NTSR2: variants seen among roughly 807,000 people sequenced by gnomAD.
The protein encoded by NTSR2 is neurotensin receptor 2, also known as neurotensin receptor type 2.
Under a neutral mutation model 24.1 loss-of-function variants are expected in NTSR2, and 22 were observed. The ratio of observed to expected loss-of-function variants is 0.91; its 90% CI spans 0.65 to 1.30. The LOEUF is 1.30. Ranked by LOEUF, NTSR2 falls within the 50% of genes most tolerant of loss-of-function variation. The probability of loss-of-function intolerance (pLI) is 0.00; values close to 1 mark genes in which losing one functional copy is unlikely to be tolerated. For synonymous variants in NTSR2, 291 were observed against 267.0 expected (o/e 1.09, Z -0.88); for missense variants, 570 against 570.4 (o/e 1.00, Z 0.01).
rs377417892 is a variant in NTSR2, at chr2:11,662,142, C to T, written c.723G>A (p.Pro241=). ...SHLLALCSQV[P]STSTPGSSTP... Reference sequence around the variant, plus strand: ...TGGAGCTGCCCGGGGTAGAAGTGGACGGCACTTGGGAGCAGAGGGCCAGCA... The same window carrying T: ...TGGAGCTGCCCGGGGTAGAAGTGGATGGCACTTGGGAGCAGAGGGCCAGCA... Residue 241 remains proline (P), a synonymous_variant, in exon 2 of 4, where the codon CCG becomes CCA. Transcript: ENST00000306928. 123 of 1,608,060 alleles carry T rather than the reference C, an allele frequency of 7.6e-5. No homozygotes were observed. The highest frequency in any genetic ancestry group is 1.1e-4 in the African/African-American group (8 of 74,760).
intron 1 of NTSR2, 47 bp downstream of exon 1, chr2:11,669,459 C>CGGGGGGGGGGGGGGGGCG: frequency 1.5e-5 from 5 of 337,894 alleles, no homozygotes; most frequent in South Asian, 1.6e-4. Context: ...CTCCCAGCAC[C>CGGGGGGGGGGGGGGGGCG]GCCCCCCCAC....
At chr2:11,669,460 G>GGGGGGGGGGGGGGGGGGGGCCCCCCCCC in intron 1 of NTSR2, 46 bp downstream of exon 1, 2 of 254,726 alleles carry the variant, frequency 7.9e-6, no homozygotes, top group Non-Finnish European at 6.9e-6. Context: ...TCCCAGCACC[G>GGGGGGGGGGGGGGGGGGGGCCCCCCCCC]CCCCCCCACC....
chr2:11,664,341 C>T (rs1026540243), intron 1 of NTSR2, among the ~76,000 whole-genome samples: 1 of 152,152 alleles, frequency 6.6e-6, no homozygotes, highest in African/African-American at 2.4e-5. Context: ...TGGTCCTGAA[C>T]TCCTGAGCTC....
chr2:11,669,459 C>CGGGGGGGGGGGGGGGGGGGCGGG, intron 1 of NTSR2, 47 bp downstream of exon 1: 1 of 337,896 alleles, frequency 3.0e-6, no homozygotes, highest in Non-Finnish European at 5.3e-6. Flanking sequence ...CTCCCAGCAC[C>CGGGGGGGGGGGGGGGGGGGCGGG]GCCCCCCCAC....
intron 1 of NTSR2, chr2:11,665,775 T>A (rs138392333): frequency 6.6e-6 from 1 of 152,352 alleles, no homozygotes; most frequent in East Asian, 1.9e-4. Context: ...CCTACTTCCA[T>A]GTCAGCATGA....
chr2:11,669,021 C>A (rs375647018), intron 1 of NTSR2, among the ~76,000 whole-genome samples: 20 of 152,168 alleles, frequency 1.3e-4, no homozygotes, highest in African/African-American at 4.3e-4. Context: ...GGAGGCAAGG[C>A]TGCCAGGGAG....
At position 11,666,484 on chromosome 2, in the gene NTSR2, A is replaced by T. The variant is rs527890666; in HGVS notation, c.624+3022T>A. Among the ~76,000 whole-genome samples the T allele has an allele frequency of 1.8e-4, 27 of 152,186 alleles. 1 individual carries two copies. In the South Asian group the frequency reaches 5.2e-3, roughly 29 times the overall value. On this transcript the variant is annotated intron_variant, in intron 1 of 3. Transcript: ENST00000306928. ...GGGAGGCTGAGACGGGTGGATCACG[A>T]GGTCAGGAGATCAAGACTATCCTGG...
rs1273279104 is a variant in NTSR2 at position 11,661,997 on chromosome 2, G to C, written c.868C>G (p.Arg290Gly). The C allele has an allele frequency of 8.7e-6, 14 of 1,609,250 alleles. No individual in the cohort carries two copies. Among genetic ancestry groups the C allele is most frequent in the Non-Finnish European group, 1.1e-5 (13 of 1,177,756 alleles). ...ACCTGGACGCTGCGCTGGAGGCTGCGGATCCGGCGCACGTCTTTATGTCTC... is the reference window on the plus strand; with the variant it reads ...ACCTGGACGCTGCGCTGGAGGCTGCCGATCCGGCGCACGTCTTTATGTCTC... ...LVRHKDVRRI[R>G]SLQRSVQVLR... Residue 290 changes from arginine to glycine, a missense_variant, in exon 2 of 4, where the codon CGC becomes GGC. Coordinates refer to ENST00000306928, the MANE Select transcript of NTSR2 (RefSeq NM_012344.4).
At chr2:11,660,210 G>T in intron 2 of NTSR2, 77 bp from the exon 3 acceptor site, 1 of 1,137,398 alleles carries the variant, frequency 8.8e-7, no homozygotes, top group Non-Finnish European at 1.3e-6. Flanking sequence ...GCAAAGGGAG[G>T]CTGATGCCCG....
chr2:11,661,520 A>G (rs1206018308), intron 2 of NTSR2, among the ~76,000 whole-genome samples: 2 of 152,198 alleles, frequency 1.3e-5, no homozygotes, highest in Non-Finnish European at 2.9e-5. Flanking sequence ...TTTCTCTTAC[A>G]AGGCCAAATT....
At chr2:11,662,264 A>C in intron 1 of NTSR2, 24 bp from the exon 2 acceptor site, 1 of 1,474,298 alleles carries the variant, frequency 6.8e-7, no homozygotes, top group African/African-American at 1.4e-5. Flanking sequence ...GCCAAGGGCT[A>C]TGGGGCAGCG....
intron 1 of NTSR2, among the ~76,000 whole-genome samples, chr2:11,668,992 G>A (rs1358596898): frequency 6.6e-6 from 1 of 152,180 alleles, no homozygotes; most frequent in Non-Finnish European, 1.5e-5. Flanking sequence ...AAGAGGTGTG[G>A]GGGGACAAGT....
At chr2:11,666,739 C>G (rs1429488449) in intron 1 of NTSR2, among the ~76,000 whole-genome samples, 1 of 151,888 alleles carries the variant, frequency 6.6e-6, no homozygotes, top group Non-Finnish European at 1.5e-5. Context: ...GCAAATGGAG[C>G]TGAGTTATTA....
intron 3 of NTSR2, among the ~76,000 whole-genome samples, chr2:11,659,461 G>A (rs975123452): frequency 6.6e-6 from 1 of 152,270 alleles, no homozygotes; most frequent in Non-Finnish European, 1.5e-5. Flanking sequence ...TGTAAGGGGT[G>A]CTGGTGCCTC....
rs781174478 is a variant in NTSR2, at chr2:11,669,733, G to C, written c.397C>G (p.Arg133Gly). 1.6e-5 allele frequency: 25 copies of C among 1,531,934 alleles called. No homozygotes were observed. Among genetic ancestry groups the C allele is most frequent in the Non-Finnish European group, 2.1e-5 (24 of 1,144,742 alleles). 94.9% of individuals were successfully genotyped at this position (1,531,934 alleles called of 1,614,324 possible). ...VLSVAGLSAE[R>G]CLAVCQPLRA... ...AGGGGCTGGCACACGGCTAGGCAGC[G>C]CTCGGCGCTCAGGCCTGCCACGCTC... Residue 133 changes from arginine to glycine, a missense_variant, in exon 1 of 4, where the codon CGC (arginine) becomes GGC (glycine). Physicochemically the swap from Arg to Gly is moderately radical, Grantham distance 125. Transcript: ENST00000306928.
At chr2:11,663,079 G>T (rs1274324695) in intron 1 of NTSR2, among the ~76,000 whole-genome samples, 1 of 152,176 alleles carries the variant, frequency 6.6e-6, no homozygotes, top group African/African-American at 2.4e-5. Flanking sequence ...TTCCATCTTA[G>T]AATTTTATAC....
At chr2:11,669,460 G>GGGGGGGGGGGCGCC in intron 1 of NTSR2, 46 bp downstream of exon 1, 1 of 254,726 alleles carries the variant, frequency 3.9e-6, no homozygotes, top group Non-Finnish European at 6.9e-6. Context: ...TCCCAGCACC[G>GGGGGGGGGGGCGCC]CCCCCCCACC....
At chr2:11,666,525 C>T (rs545957453) in intron 1 of NTSR2, among the ~76,000 whole-genome samples, 9 of 151,940 alleles carry the variant, frequency 5.9e-5, no homozygotes, top group African/African-American at 1.9e-4. Context: ...ATGGTGAAAC[C>T]CCATTTCTAC....
At chr2:11,660,285 T>G in intron 2 of NTSR2, 152 bp from the exon 3 acceptor site, 1 of 632,174 alleles carries the variant, frequency 1.6e-6, no homozygotes, top group Non-Finnish European at 2.9e-6. Flanking sequence ...GGCTTTGAGG[T>G]TATCTGATAT....
Sources: gnomAD v4.1 joint callset for allele counts (sites outside exome capture counted in the v4.1 genomes callset) on GRCh38, gnomAD v4.1.1 for gene constraint, MANE v1.5 for transcripts, NCBI Gene and HGNC (gene_info 2026-07-23, HGNC 2026-07-21) for gene names.